MAFK: variants seen among roughly 807,000 people sequenced by gnomAD.
MAFK encodes MAF bZIP transcription factor K.
Under a neutral mutation model 9.2 loss-of-function variants are expected in MAFK, and 1 was observed. The ratio of observed to expected loss-of-function variants is 0.11; its 90% CI spans 0.04 to 0.52. The LOEUF is 0.52. Among genes scored for constraint, MAFK ranks in the 20% least tolerant of loss-of-function variants. The pLI is 0.94. For missense variants in MAFK, 207 were observed against 236.0 expected (o/e 0.88, Z 0.81); for synonymous variants, 110 against 107.4 (o/e 1.02, Z -0.15).
chr7:1,537,612 C>T, intron 1 of MAFK: 5 of 985,624 alleles, frequency 5.1e-6, no homozygotes, highest in Non-Finnish European at 6.0e-6. Flanking sequence ...CTGGTGCCAT[C>T]CTGTGCCATC....
At chr7:1,539,492 G>A (rs919816116) in intron 2 of MAFK, among the ~76,000 whole-genome samples, 3 of 151,632 alleles carry the variant, frequency 2.0e-5, no homozygotes, top group Non-Finnish European at 2.9e-5. Context: ...TCCGCCGGGC[G>A]CTACTGCATG....
rs950707933 is a variant in MAFK at position 1,532,161 on chromosome 7, C to T, written c.-45+1263C>T. On this transcript the variant is annotated intron_variant, in intron 1 of 2. Coordinates refer to ENST00000343242, the MANE Select transcript of MAFK (RefSeq NM_002360.4). The surrounding 1 kb of genome is among the most constrained non-coding windows in gnomAD (Gnocchi z 4.5). ...GGGCTGCCAGGTCTCTTTACTGGCA[C>T]TGAGGTTTCACCGTCACGGTGTGTT... Among the ~76,000 whole-genome samples, 2 of 152,220 alleles carry T rather than the reference C, an allele frequency of 1.3e-5. No homozygotes were observed. Among genetic ancestry groups the T allele is most frequent in the African/African-American group, 4.8e-5 (2 of 41,466 alleles).
chr7:1,534,995 T>TCAATC lies in MAFK; in HGVS notation c.-45+4097_-45+4098insCAATC, dbSNP rs1336080039. Among the ~76,000 whole-genome samples the TCAATC allele has an allele frequency of 6.6e-6, 1 of 151,892 alleles. No homozygotes were observed. Among genetic ancestry groups the TCAATC allele is most frequent in the Non-Finnish European group, 1.5e-5 (1 of 67,982 alleles). ...GATCACAGCTCACTGCAATCTCGACTTCGAGGCTCAAGCAATCCTCCCACC... is the reference window on the plus strand; with the variant it reads ...GATCACAGCTCACTGCAATCTCGACTCAATCTCGAGGCTCAAGCAATCCTCCCACC... On this transcript the variant is annotated intron_variant, in intron 1 of 2. Transcript: ENST00000343242. This position sits in a 1 kb window ranked among gnomAD's most constrained non-coding sequence, Gnocchi z 4.3.
chr7:1,531,678 C>T (rs1419271314), intron 1 of MAFK, among the ~76,000 whole-genome samples: 1 of 152,110 alleles, frequency 6.6e-6, no homozygotes, highest in Non-Finnish European at 1.5e-5. Flanking sequence ...TGTATGTGCC[C>T]GTGACTGTGT....
intron 2 of MAFK, 53 bp downstream of exon 2, chr7:1,539,281 C>CCCGG: frequency 1.4e-6 from 2 of 1,442,904 alleles, no homozygotes; most frequent in Non-Finnish European, 1.9e-6. Flanking sequence ...GGGAAAGGCC[C>CCCGG]CCGGCCCGAC....
At chr7:1,538,161 C>T (rs1316289128) in intron 1 of MAFK, 12 of 591,720 alleles carry the variant, frequency 2.0e-5, no homozygotes, top group South Asian at 7.3e-5. Flanking sequence ...CCCAAGGTCG[C>T]CATGGCAACT....
chr7:1,536,518 G>A (rs1194482883), intron 1 of MAFK, among the ~76,000 whole-genome samples: 2 of 152,150 alleles, frequency 1.3e-5, no homozygotes, highest in African/African-American at 2.4e-5. Flanking sequence ...GGGTGGGAGC[G>A]CTTTCTACAT....
intron 1 of MAFK, chr7:1,537,358 G>A (rs1438787019): frequency 2.0e-6 from 2 of 984,868 alleles, no homozygotes; most frequent in African/African-American, 3.5e-5. Context: ...TAAACATCTG[G>A]TGACTCACCG....
intron 1 of MAFK, 192 bp from the exon 2 acceptor site, chr7:1,538,957 C>T (rs946134277): frequency 7.4e-5 from 41 of 557,648 alleles, no homozygotes; most frequent in Non-Finnish European, 1.2e-4. Context: ...GGACAGAGGC[C>T]GGGCCAGGAT....
intron 1 of MAFK, among the ~76,000 whole-genome samples, chr7:1,531,150 G>C (rs879749361): frequency 6.7e-6 from 1 of 149,228 alleles, no homozygotes; most frequent in Non-Finnish European, 1.5e-5. Flanking sequence ...CGTGCCGCCC[G>C]GGCCATGCTT....
chr7:1,535,376 C>T (rs138685010), intron 1 of MAFK, among the ~76,000 whole-genome samples: 6 of 152,268 alleles, frequency 3.9e-5, no homozygotes, highest in East Asian at 1.9e-4. Context: ...TAAAAATGGC[C>T]GGGCATGGTG....
Position 1,535,708 on chromosome 7 carries a change from G to A in MAFK, c.-44-3441G>A, listed in dbSNP as rs928800267. ...CCAGAAGCTGAGGTGGCTGCCTGGG[G>A]ATCACCTGCTCCTGAAAGCACAGTT... On this transcript the variant is annotated intron_variant, in intron 1 of 2. Transcript: ENST00000343242. Among the ~76,000 whole-genome samples the A allele has an allele frequency of 3.9e-5, 6 of 152,260 alleles. No homozygotes were observed. The East Asian group carries it at 7.7e-4, about 20-fold the overall frequency.
At chr7:1,531,082 T>C (rs1783893223) in intron 1 of MAFK, among the ~76,000 whole-genome samples, 184 bp downstream of exon 1, 1 of 146,760 alleles carries the variant, frequency 6.8e-6, no homozygotes, top group Non-Finnish European at 1.5e-5. Context: ...CCTGCCCAGG[T>C]GGGCCCCGCC....
At chr7:1,536,127 TC>T (rs1385666635) in intron 1 of MAFK, among the ~76,000 whole-genome samples, 1 of 152,142 alleles carries the variant, frequency 6.6e-6, no homozygotes, top group Admixed American at 6.5e-5. Context: ...CCGGCGCTGC[TC>T]CCGGGACGTG....
At position 1,542,645 on chromosome 7, in the gene MAFK, A is replaced by G. The variant is rs1784222596; in HGVS notation, c.*2270A>G. Reference sequence around the variant, plus strand: ...CTGCTTTTCTTTTCAGATTGTTGAAATTTCATTGTCATGATTTAATATATG... The same window carrying G: ...CTGCTTTTCTTTTCAGATTGTTGAAGTTTCATTGTCATGATTTAATATATG... On this transcript the variant is annotated 3_prime_UTR_variant, in exon 3 of 3. Coordinates refer to ENST00000343242, the MANE Select transcript of MAFK (RefSeq NM_002360.4). The G allele has an allele frequency of 2.0e-5, 3 of 152,318 alleles. No individual in the cohort carries two copies. The highest frequency in any genetic ancestry group is 7.2e-5 in the African/African-American group (3 of 41,462). The allele number at this position is 152,318 out of a possible 1,614,324, so 9.4% of individuals were successfully genotyped here. A position where few individuals can be genotyped will look rare whatever the true frequency, so the allele number is the denominator to read the frequency against.
chr7:1,540,450 A>G lies in MAFK; in HGVS notation c.*75A>G. ...TGGGGGCACACCCCTCGTACCTGTC[A>G]CTGGGATGCAGACTCTCGACATCCG... is the stretch of plus-strand genomic sequence containing the variant. On this transcript the variant is annotated 3_prime_UTR_variant, in exon 3 of 3. Transcript: ENST00000343242. 4 of 1,307,426 alleles carry G rather than the reference A, an allele frequency of 3.1e-6. No individual in the cohort carries two copies. In the South Asian group the frequency reaches 6.1e-5, roughly 20 times the overall value. 81.0% of individuals were successfully genotyped at this position (1,307,426 alleles called of 1,614,324 possible). A position where few individuals can be genotyped will look rare whatever the true frequency, so the allele number is the denominator to read the frequency against.
At position 1,542,817 on chromosome 7, in the gene MAFK, A is replaced by G. The variant is rs1300786191; in HGVS notation, c.*2442A>G. ...GCCCCCTATGCCGCCACGCCGCCAC[A>G]CCGCCTCACCCTGGCTTCTGTGCTA... On this transcript the variant is annotated 3_prime_UTR_variant, in exon 3 of 3. Transcript: ENST00000343242. 6.6e-6 allele frequency: 1 copy of G among 152,498 alleles called. No individual in the cohort carries two copies. Among genetic ancestry groups the G allele is most frequent in the Non-Finnish European group, 1.5e-5 (1 of 68,022 alleles). The allele number at this position is 152,498 out of a possible 1,614,324, so 9.4% of individuals were successfully genotyped here. A position where few individuals can be genotyped will look rare whatever the true frequency, so the allele number is the denominator to read the frequency against.
In MAFK at chr7:1,536,591, GT is replaced by G. The variant is rs1784037196; in HGVS notation, c.-44-2557del. Among the ~76,000 whole-genome samples the G allele has an allele frequency of 2.0e-5, 3 of 152,358 alleles. No homozygotes were observed. In the South Asian group the frequency reaches 6.2e-4, roughly 32 times the overall value. On this transcript the variant is annotated intron_variant, in intron 1 of 2. Transcript: ENST00000343242. ...AGTTCACAAAACCCCATTTAGGGCA[GT>G]CGTCATTTTTAGATCAGTTGCTTTA...
intron 1 of MAFK, among the ~76,000 whole-genome samples, chr7:1,531,549 G>C (rs1055929997): frequency 2.6e-5 from 4 of 152,326 alleles, no homozygotes; most frequent in Middle Eastern, 3.4e-3. Context: ...GGCGGGAGGG[G>C]GGCAGGTGAC....
Sources: allele counts gnomAD v4.1 joint callset (sites outside exome capture counted in the v4.1 genomes callset), GRCh38; gene constraint gnomAD v4.1.1; non-coding constraint Gnocchi (gnomAD v3.1); transcripts MANE v1.5; gene names NCBI Gene and HGNC (gene_info 2026-07-23, HGNC 2026-07-21).